Variants in SPTSSA observed in about 807,000 individuals in gnomAD.
The protein encoded by SPTSSA is small subunit of serine palmitoyltransferase A.
SPTSSA carries 8 observed loss-of-function variants against 9.1 expected under a neutral mutation model. That is an observed-to-expected ratio of 0.88 (90% CI 0.51 to 1.58). The LOEUF is 1.58. Ranked by LOEUF, SPTSSA falls within the 40% of genes most tolerant of loss-of-function variation. The pLI is 0.00. For synonymous variants in SPTSSA, 42 were observed against 37.7 expected (o/e 1.11, Z -0.41); for missense variants, 100 against 93.8 (o/e 1.07, Z -0.27).
rs1218621418 is a variant in SPTSSA, at chr14:34,457,988, AAAC to A, written c.112+4105_112+4107del. On this transcript the variant is annotated intron_variant, in intron 1 of 1. Coordinates refer to ENST00000298130, the MANE Select transcript of SPTSSA (RefSeq NM_138288.4). ...CTGTCTCGGAAAAAAAAAAAAAAAA[AAAC>A]AAAGAAAAGAAAAGAAAAGACAGAT... Among the ~76,000 whole-genome samples, 1,121 of 148,472 alleles carry A rather than the reference AAAC, an allele frequency of 7.6e-3. 18 individuals are homozygous for A. The highest frequency in any genetic ancestry group is 0.026 in the African/African-American group (1,025 of 39,118).
In SPTSSA at chr14:34,433,230, A is replaced by C. The variant is rs1176955431; in HGVS notation, c.*1971T>G. The C allele has an allele frequency of 1.3e-5, 2 of 152,182 alleles. No homozygotes were observed. Among genetic ancestry groups the C allele is most frequent in the Non-Finnish European group, 2.9e-5 (2 of 68,028 alleles). The allele number at this position is 152,182 out of a possible 1,614,324, so 9.4% of individuals were successfully genotyped here. ...TGTTCATAATAACCATCAGTTATAC[A>C]ACAGCAATTTAATGAATCTCAGAGT... On this transcript the variant is annotated 3_prime_UTR_variant, in exon 2 of 2. Coordinates refer to ENST00000298130, the MANE Select transcript of SPTSSA (RefSeq NM_138288.4).
intron 1 of SPTSSA, among the ~76,000 whole-genome samples, chr14:34,453,980 G>A (rs1883569212): frequency 6.6e-6 from 1 of 152,006 alleles, no homozygotes; most frequent in Non-Finnish European, 1.5e-5. Context: ...AGGAGTTCAA[G>A]ACCAACCTAG....
intron 1 of SPTSSA, among the ~76,000 whole-genome samples, chr14:34,445,944 CAA>C (rs1027510095): frequency 2.6e-5 from 4 of 152,116 alleles, no homozygotes; most frequent in African/African-American, 9.7e-5. Flanking sequence ...ACTGGGAAGA[CAA>C]TTAAAGCTTC....
chr14:34,448,306 C>T (rs966030914), intron 1 of SPTSSA, among the ~76,000 whole-genome samples: 1 of 152,030 alleles, frequency 6.6e-6, no homozygotes, highest in Non-Finnish European at 1.5e-5. Flanking sequence ...GGCGAGAGTT[C>T]CATGGTCCCC....
intron 1 of SPTSSA, among the ~76,000 whole-genome samples, chr14:34,456,330 T>C (rs1196312509): frequency 6.6e-6 from 1 of 151,804 alleles, no homozygotes; most frequent in Non-Finnish European, 1.5e-5. Flanking sequence ...CTCAAAAAAA[T>C]AATAAATCAA....
At chr14:34,449,659 C>T (rs1236012636) in intron 1 of SPTSSA, among the ~76,000 whole-genome samples, 2 of 151,974 alleles carry the variant, frequency 1.3e-5, no homozygotes, top group East Asian at 1.9e-4. Context: ...CGTGCCACCA[C>T]GCCCAGCTGA....
rs1402810349 is a variant in SPTSSA at position 34,433,580 on chromosome 14, T to C, written c.*1621A>G. On this transcript the variant is annotated 3_prime_UTR_variant, in exon 2 of 2. Coordinates refer to ENST00000298130, the MANE Select transcript of SPTSSA (RefSeq NM_138288.4). ...CTATCTAATTGTGGTATCAATTGGC[T>C]CTAAAAATATTAAACACATATATAT... 1.3e-5 allele frequency: 2 copies of C among 152,154 alleles called. No homozygotes were observed. The highest frequency in any genetic ancestry group is 4.8e-5 in the African/African-American group (2 of 41,436). The allele number at this position is 152,154 out of a possible 1,614,324, so 9.4% of individuals were successfully genotyped here.
intron 1 of SPTSSA, among the ~76,000 whole-genome samples, chr14:34,448,919 G>C (rs1235220243): frequency 2.0e-5 from 3 of 152,146 alleles, no homozygotes; most frequent in African/African-American, 7.2e-5. Flanking sequence ...AGGATCACTT[G>C]AGCCTGGGAG....
intron 1 of SPTSSA, among the ~76,000 whole-genome samples, chr14:34,448,175 G>C (rs1459938707): frequency 2.6e-5 from 4 of 152,018 alleles, no homozygotes; most frequent in Non-Finnish European, 5.9e-5. Flanking sequence ...AGAATCGCTT[G>C]AACTCGGGAG....
At chr14:34,458,888 T>A (rs1232555322) in intron 1 of SPTSSA, among the ~76,000 whole-genome samples, 1 of 149,548 alleles carries the variant, frequency 6.7e-6, no homozygotes, top group Non-Finnish European at 1.5e-5. Context: ...GTTATCAATT[T>A]CCCCTGAAAT....
chr14:34,445,512 T>TAAATA (rs151328098), intron 1 of SPTSSA, among the ~76,000 whole-genome samples: 3 of 151,990 alleles, frequency 2.0e-5, no homozygotes, highest in Non-Finnish European at 4.4e-5. Flanking sequence ...AAAAAATAAA[T>TAAATA]AAATAAAATA....
intron 1 of SPTSSA, among the ~76,000 whole-genome samples, chr14:34,440,649 A>G (rs1883301529): frequency 6.6e-6 from 1 of 152,202 alleles, no homozygotes; most frequent in African/African-American, 2.4e-5. Flanking sequence ...TGGGAGGCCG[A>G]GGCGGGTGGA....
chr14:34,444,526 G>A (rs1396456284), intron 1 of SPTSSA, among the ~76,000 whole-genome samples: 1 of 152,044 alleles, frequency 6.6e-6, no homozygotes, highest in Non-Finnish European at 1.5e-5. Flanking sequence ...GGCCGACGTG[G>A]GTGGATCCCG....
chr14:34,457,414 A>G lies in SPTSSA; in HGVS notation c.112+4682T>C, dbSNP rs191245649. Among the ~76,000 whole-genome samples, 267 of 152,248 alleles carry G rather than the reference A, an allele frequency of 1.8e-3. 1 individual carries two copies. The highest frequency in any genetic ancestry group is 2.7e-3 in the South Asian group (13 of 4,820). The stretch of plus-strand genomic sequence containing the variant: ...ACCTTGGGATGCCAGTAGGGAAAGG[A>G]TACTTTTGAAAGGTATGTTAAAAAT... On this transcript the variant is annotated intron_variant, in intron 1 of 1. Coordinates refer to ENST00000298130, the MANE Select transcript of SPTSSA (RefSeq NM_138288.4).
chr14:34,451,711 C>G (rs1883529268), intron 1 of SPTSSA, among the ~76,000 whole-genome samples: 2 of 124,360 alleles, frequency 1.6e-5, no homozygotes, highest in African/African-American at 6.4e-5. Flanking sequence ...GAACGAGACT[C>G]TGTTTCAAAA....
At position 34,435,440 on chromosome 14, in the gene SPTSSA, A is replaced by T. The variant is rs796262564; in HGVS notation, c.113-136T>A. ...ATTTATATCAAGCACTGATAAAAAA[A>T]ACAACAAGAATGATAATACTAGCCA... is the stretch of plus-strand genomic sequence containing the variant. On this transcript the variant is annotated intron_variant, in intron 1 of 1. Transcript: ENST00000298130. The T allele has an allele frequency of 7.2e-6, 4 of 552,894 alleles. No homozygotes were observed. The African/African-American group carries it at 7.7e-5, about 11-fold the overall frequency. 34.2% of individuals were successfully genotyped at this position (552,894 alleles called of 1,614,324 possible).
intron 1 of SPTSSA, among the ~76,000 whole-genome samples, chr14:34,456,880 C>T (rs1300017013): frequency 6.7e-6 from 1 of 149,098 alleles, no homozygotes; most frequent in Non-Finnish European, 1.5e-5. Flanking sequence ...GCCTGGGCAA[C>T]ACAGCGAGAC....
intron 1 of SPTSSA, among the ~76,000 whole-genome samples, chr14:34,456,130 G>A (rs756356885): frequency 1.1e-4 from 16 of 151,504 alleles, no homozygotes; most frequent in Admixed American, 1.3e-4. Flanking sequence ...GAGACCATCC[G>A]GCTAACATGG....
At chr14:34,436,560 C>A (rs545355618) in intron 1 of SPTSSA, among the ~76,000 whole-genome samples, 32 of 152,244 alleles carry the variant, frequency 2.1e-4, no homozygotes, top group African/African-American at 7.2e-4. Context: ...AACTTACATT[C>A]TTTTATGAGA....
Sources: allele counts gnomAD v4.1 joint callset (sites outside exome capture counted in the v4.1 genomes callset), GRCh38; gene constraint gnomAD v4.1.1; transcripts MANE v1.5; gene names NCBI Gene and HGNC (gene_info 2026-07-23, HGNC 2026-07-21).